PHACTR3: variants seen among roughly 807,000 people sequenced by gnomAD.
PHACTR3 encodes protein phosphatase 1, regulatory subunit 123.
In PHACTR3, 16 loss-of-function variants were observed where a neutral mutation model predicts 66.8. The observed-to-expected ratio is 0.24, with a 90% confidence interval of 0.16 to 0.36. PHACTR3 has a LOEUF of 0.36. Among genes scored for constraint, PHACTR3 ranks in the 10% least tolerant of loss-of-function variants. The pLI is 1.00. For synonymous variants in PHACTR3, 323 were observed against 292.1 expected, an observed-to-expected ratio of 1.11 and a Z score of -1.08; for missense variants, 647 against 719.9, an observed-to-expected ratio of 0.90 and a Z score of 1.16.
At chr20:59,780,877 A>AG (rs1408957194) in intron 7 of PHACTR3, among the ~76,000 whole-genome samples, 1 of 152,206 alleles carries the variant, frequency 6.6e-6, no homozygotes, top group Non-Finnish European at 1.5e-5. Context: ...GAAGGTCAAC[A>AG]GGGGTGCTCA....
At chr20:59,842,316 C>G (rs2059078898) in intron 11 of PHACTR3, among the ~76,000 whole-genome samples, 1 of 152,130 alleles carries the variant, frequency 6.6e-6, no homozygotes, top group Non-Finnish European at 1.5e-5. Context: ...TACATTCAGG[C>G]AAGGAATTTG....
In PHACTR3 at chr20:59,604,977, G is replaced by C. The variant is rs1439589762; in HGVS notation, c.-38G>C. 9.9e-6 allele frequency: 12 copies of C among 1,216,326 alleles called. No individual in the cohort carries two copies. The highest frequency in any genetic ancestry group is 1.2e-5 in the Non-Finnish European group (12 of 971,338). The allele number at this position is 1,216,326 out of a possible 1,614,324, so 75.3% of individuals were successfully genotyped here. On this transcript the variant is annotated 5_prime_UTR_variant, in exon 1 of 13. Coordinates refer to ENST00000371015, the MANE Select transcript of PHACTR3 (RefSeq NM_080672.5). ...GCCGCCTCGGATGCTCTGATTCCAC[G>C]CGGCTCGCTCTAACTTGCCCCCGCG...
At chr20:59,580,784 G>A (rs2032834564) in intron 1 of PHACTR3, among the ~76,000 whole-genome samples, 1 of 152,174 alleles carries the variant, frequency 6.6e-6, no homozygotes, top group African/African-American at 2.4e-5. Flanking sequence ...GTCTGGAGTT[G>A]CCCAATTCTT....
chr20:59,831,419 G>A (rs905259370), intron 8 of PHACTR3, among the ~76,000 whole-genome samples: 4 of 152,134 alleles, frequency 2.6e-5, no homozygotes, highest in Non-Finnish European at 5.9e-5. Flanking sequence ...TTTTCTTAGT[G>A]TTGCTCCCAC....
chr20:59,635,101 C>CTCTCTTTCTTTCTT (rs1555881117), intron 1 of PHACTR3, among the ~76,000 whole-genome samples: 1 of 92,904 alleles, frequency 1.1e-5, no homozygotes, highest in African/African-American at 4.4e-5. Context: ...TTCTTTCTCT[C>CTCTCTTTCTTTCTT]TCTTTCTTTC....
Position 59,806,210 on chromosome 20 carries a change from C to A in PHACTR3, c.1328+16C>A, listed in dbSNP as rs750153569. The A allele has an allele frequency of 9.3e-6, 15 of 1,611,042 alleles. No homozygotes were observed. The highest frequency in any genetic ancestry group is 1.3e-5 in the Non-Finnish European group (15 of 1,178,540). The stretch of plus-strand genomic sequence containing the variant: ...AGCTTTCCAAGTAAGTGGCAGCTTG[C>A]GGGCACAGCCGGGCCTGTGCTCTGG... On this transcript the variant is annotated intron_variant, in intron 8 of 12. Transcript: ENST00000371015.
At chr20:59,780,290 C>T (rs1344076254) in intron 7 of PHACTR3, among the ~76,000 whole-genome samples, 3 of 152,386 alleles carry the variant, frequency 2.0e-5, no homozygotes, top group Non-Finnish European at 4.4e-5. Context: ...AGGCCCTCCA[C>T]TTCATCCATG....
chr20:59,715,292 A>G (rs1289942343), intron 1 of PHACTR3, among the ~76,000 whole-genome samples: 2 of 152,150 alleles, frequency 1.3e-5, no homozygotes, highest in Admixed American at 6.5e-5. Flanking sequence ...AATTAAAGAA[A>G]TTTCCTTTTA....
rs566203654 is a variant in PHACTR3, at chr20:59,812,951, C to T, written c.1328+6757C>T. On this transcript the variant is annotated intron_variant, in intron 8 of 12. Transcript: ENST00000371015. ...TTCATGAATGGCCAGGCTGTGGGCT[C>T]CAGGGCCCTCGCTCCCAGCCACTGA... 3.3e-5 allele frequency among the ~76,000 whole-genome samples: 5 copies of T among 152,298 alleles called. No homozygotes were observed. The East Asian group carries it at 9.7e-4, about 29-fold the overall frequency.
chr20:59,769,766 A>G (rs2040302928), intron 5 of PHACTR3, among the ~76,000 whole-genome samples: 1 of 152,234 alleles, frequency 6.6e-6, no homozygotes, highest in Non-Finnish European at 1.5e-5. Flanking sequence ...GAGTGAATGA[A>G]TGCATGCGTG....
chr20:59,780,391 G>A (rs2040683843), intron 7 of PHACTR3, among the ~76,000 whole-genome samples: 1 of 152,182 alleles, frequency 6.6e-6, no homozygotes, highest in Admixed American at 6.5e-5. Context: ...CAGTTCCAGA[G>A]ACAGGGAAGT....
chr20:59,584,825 T>G (rs2032973384), intron 1 of PHACTR3, among the ~76,000 whole-genome samples: 1 of 152,144 alleles, frequency 6.6e-6, no homozygotes, highest in Non-Finnish European at 1.5e-5. Context: ...CACCCCCTAT[T>G]CCGGGGGGAT....
chr20:59,620,539 G>A (rs2034192071), intron 1 of PHACTR3, among the ~76,000 whole-genome samples: 1 of 152,188 alleles, frequency 6.6e-6, no homozygotes, highest in Non-Finnish European at 1.5e-5. Flanking sequence ...GTCCCTAAAT[G>A]AGGGGTTGTC....
chr20:59,721,988 T>C (rs2038319232), intron 1 of PHACTR3, among the ~76,000 whole-genome samples: 1 of 152,074 alleles, frequency 6.6e-6, no homozygotes, highest in South Asian at 2.1e-4. Flanking sequence ...CCCAGCACTT[T>C]GGGAGGCCGA....
intron 1 of PHACTR3, among the ~76,000 whole-genome samples, chr20:59,660,221 G>A (rs1002035383): frequency 1.3e-5 from 2 of 152,210 alleles, no homozygotes; most frequent in Admixed American, 6.5e-5. Flanking sequence ...TGGGCTGGGC[G>A]CAGTGGCTCA....
Position 59,604,707 on chromosome 20 carries a change from C to CT in PHACTR3, c.-296dup, listed in dbSNP as rs113004800. On this transcript the variant is annotated 5_prime_UTR_variant, in exon 1 of 13. Transcript: ENST00000371015. ...AAAAAGTTTTTATTTCCTGGTTCAACTTTTTTTTTTTTCCCTGGAATATAG... is the reference window on the plus strand; with the variant it reads ...AAAAAGTTTTTATTTCCTGGTTCAACTTTTTTTTTTTTTCCCTGGAATATAG... 17,188 of 703,750 alleles carry CT rather than the reference C, an allele frequency of 0.024. No homozygotes were observed. The highest frequency in any genetic ancestry group is 0.027 in the Non-Finnish European group (15,236 of 561,464). The allele number at this position is 703,750 out of a possible 1,614,324, so 43.6% of individuals were successfully genotyped here.
intron 1 of PHACTR3, among the ~76,000 whole-genome samples, chr20:59,741,153 C>G (rs2039145788): frequency 6.6e-6 from 1 of 152,248 alleles, no homozygotes; most frequent in Non-Finnish European, 1.5e-5. Context: ...CAGCCCTTCT[C>G]CCTGCATGTC....
chr20:59,700,134 G>A (rs1185359855), intron 1 of PHACTR3, among the ~76,000 whole-genome samples: 2 of 152,126 alleles, frequency 1.3e-5, no homozygotes, highest in Admixed American at 1.3e-4. Flanking sequence ...ATGAATGATG[G>A]CAATCTACAC....
rs141202307 is a variant in PHACTR3, at chr20:59,732,854, G to A, written c.119-10253G>A. Among the ~76,000 whole-genome samples the A allele has an allele frequency of 1.5e-3, 232 of 152,180 alleles. 1 individual carries two copies. Among genetic ancestry groups the A allele is most frequent in the African/African-American group, 5.4e-3 (225 of 41,510 alleles). ...TGTGCTAGGTGCCGGAGGAGGAAGC[G>A]GACCCTAAGTCTAGGAATTGCATTG... On this transcript the variant is annotated intron_variant, in intron 1 of 12. Transcript: ENST00000371015.
Sources: allele counts gnomAD v4.1 joint callset (sites outside exome capture counted in the v4.1 genomes callset), GRCh38; gene constraint gnomAD v4.1.1; transcripts MANE v1.5; gene names NCBI Gene and HGNC (gene_info 2026-07-23, HGNC 2026-07-21).